Variants in RIPK2 observed in about 807,000 individuals in gnomAD.
RIPK2 encodes the protein receptor-interacting serine/threonine-protein kinase 2.
Under a neutral mutation model 60.9 loss-of-function variants are expected in RIPK2, and 38 were observed. The observed-to-expected ratio is 0.62, with a 90% CI of 0.48 to 0.82. The LOEUF (loss-of-function observed/expected upper bound fraction) is 0.82, where lower values mean the gene tolerates loss of function less well. Among genes scored for constraint, RIPK2 ranks in the 40% least tolerant of loss-of-function variants. RIPK2 has a pLI of 0.00. For synonymous variants in RIPK2, 225 were observed against 223.4 expected, an observed-to-expected ratio of 1.01 and a Z score of -0.06; for missense variants, 518 against 647.0, an observed-to-expected ratio of 0.80 and a Z score of 2.16.
At chr8:89,763,173 G>A (rs1031150665) in intron 2 of RIPK2, among the ~76,000 whole-genome samples, 191 bp downstream of exon 2, 3 of 152,004 alleles carry the variant, frequency 2.0e-5, no homozygotes, top group Non-Finnish European at 4.4e-5. Context: ...TGTGGATTCA[G>A]GCCCTGTACT....
chr8:89,758,025 G>A lies in RIPK2; in HGVS notation c.-36G>A, dbSNP rs1398097490. On this transcript the variant is annotated 5_prime_UTR_variant, in exon 1 of 11. Coordinates refer to ENST00000220751, the MANE Select transcript of RIPK2 (RefSeq NM_003821.6). ...GGAGCCTTGGGAGCCGCCGCAGCAG[G>A]GGGCACACCCGGAACCGGCCTGAGC... The A allele has an allele frequency of 2.0e-6, 3 of 1,523,020 alleles. No individual in the cohort carries two copies. Among genetic ancestry groups the A allele is most frequent in the African/African-American group, 2.8e-5 (2 of 72,314 alleles). The allele number at this position is 1,523,020 out of a possible 1,614,324, so 94.3% of individuals were successfully genotyped here. A position where few individuals can be genotyped will look rare whatever the true frequency, so the allele number is the denominator to read the frequency against.
chr8:89,758,698 A>T (rs1194422227), intron 1 of RIPK2, among the ~76,000 whole-genome samples: 1 of 152,234 alleles, frequency 6.6e-6, no homozygotes, highest in Non-Finnish European at 1.5e-5. Flanking sequence ...GCTATTGAGC[A>T]CTTGAAATGT....
chr8:89,787,494 G>A (rs1205156103), intron 9 of RIPK2, among the ~76,000 whole-genome samples: 2 of 152,094 alleles, frequency 1.3e-5, no homozygotes, highest in Non-Finnish European at 2.9e-5. Context: ...AATTATTTCT[G>A]GCTGAAGGCT....
intron 6 of RIPK2, among the ~76,000 whole-genome samples, chr8:89,775,119 A>G (rs1485406697): frequency 6.6e-6 from 1 of 152,154 alleles, no homozygotes. Context: ...ATGAGGTGAT[A>G]GCTAAAGGAT....
chr8:89,770,510 A>G (rs1056454302), intron 4 of RIPK2, among the ~76,000 whole-genome samples: 1 of 151,876 alleles, frequency 6.6e-6, no homozygotes, highest in Non-Finnish European at 1.5e-5. Context: ...TAACCAGAAT[A>G]AAAGGAAGAT....
At position 89,790,367 on chromosome 8, in the gene RIPK2, T is replaced by G. The variant is rs547545575; in HGVS notation, c.1574T>G (p.Val525Gly). 4 of 1,611,312 alleles carry G rather than the reference T, an allele frequency of 2.5e-6. No homozygotes were observed. In the South Asian group the frequency reaches 3.3e-5, roughly 13 times the overall value. ...MGLQPYPEIL[V>G]VSRSPSLNLL... The stretch of plus-strand genomic sequence containing the variant: ...CTTCAGCCTTACCCGGAAATACTTG[T>G]GGTTTCTAGATCACCATCTTTAAAT... The change falls in exon 11 of 11, where the codon GTG (valine) becomes GGG (glycine). Residue 525 changes from valine to glycine, a missense_variant. Around this residue, in one of 3 missense-constraint regions of RIPK2, gnomAD observed 41 missense variants for 43.7 expected, o/e 0.94. Transcript: ENST00000220751.
chr8:89,773,448 G>T (rs925591133), intron 6 of RIPK2, among the ~76,000 whole-genome samples: 13 of 152,160 alleles, frequency 8.5e-5, no homozygotes, highest in Admixed American at 1.3e-4. Context: ...GGCCTGTGTG[G>T]CTGGAATACA....
At chr8:89,775,243 G>A (rs1474245586) in intron 6 of RIPK2, among the ~76,000 whole-genome samples, 1 of 151,888 alleles carries the variant, frequency 6.6e-6, no homozygotes, top group East Asian at 1.9e-4. Flanking sequence ...TTCCAGACCA[G>A]CCTAGGCAAC....
At chr8:89,773,858 T>G (rs980286483) in intron 6 of RIPK2, among the ~76,000 whole-genome samples, 1 of 152,184 alleles carries the variant, frequency 6.6e-6, no homozygotes, top group Admixed American at 6.6e-5. Flanking sequence ...TAGGATTCAT[T>G]AAAAAATTTA....
At chr8:89,777,975 C>T (rs756446243) in intron 6 of RIPK2, among the ~76,000 whole-genome samples, 3 of 151,948 alleles carry the variant, frequency 2.0e-5, no homozygotes, top group Non-Finnish European at 4.4e-5. Flanking sequence ...CATGAAATTA[C>T]AAAGGGATCT....
intron 10 of RIPK2, 96 bp downstream of exon 10, chr8:89,789,578 T>G: frequency 2.6e-6 from 3 of 1,168,598 alleles, no homozygotes; most frequent in Non-Finnish European, 3.6e-6. Context: ...TGTCTTTATT[T>G]CCTCAATATG....
At chr8:89,783,346 C>A (rs558480687) in intron 7 of RIPK2, among the ~76,000 whole-genome samples, 1 of 152,224 alleles carries the variant, frequency 6.6e-6, no homozygotes. Flanking sequence ...ATCATCTACT[C>A]AGCAGCTACC....
chr8:89,780,060 T>C lies in RIPK2; in HGVS notation c.854-15T>C. The C allele has an allele frequency of 7.6e-7, 1 of 1,317,392 alleles. No individual in the cohort carries two copies. Among genetic ancestry groups the C allele is most frequent in the Non-Finnish European group, 1.1e-6 (1 of 935,770 alleles). The allele number at this position is 1,317,392 out of a possible 1,614,324, so 81.6% of individuals were successfully genotyped here. On this transcript the variant is annotated splice_polypyrimidine_tract_variant and intron_variant, in intron 6 of 10. Coordinates refer to ENST00000220751, the MANE Select transcript of RIPK2 (RefSeq NM_003821.6). ...AGCAATCTGAACTCAACCTGTATTT[T>C]TTTCTCTTATGTAGAATGTTTAATA... is the stretch of plus-strand genomic sequence containing the variant.
intron 1 of RIPK2, 128 bp from the exon 2 acceptor site, chr8:89,762,701 A>G: frequency 2.2e-6 from 1 of 458,432 alleles, no homozygotes; most frequent in Non-Finnish European, 3.8e-6. Flanking sequence ...ACTAAGGTGC[A>G]GAGAAGTTGC....
intron 1 of RIPK2, chr8:89,759,184 C>G (rs555038642): frequency 1.9e-5 from 7 of 373,116 alleles, no homozygotes; most frequent in African/African-American, 8.3e-5. Flanking sequence ...ATGGCTTTCA[C>G]TTATTGGTTT....
chr8:89,769,703 A>G (rs934300855), intron 3 of RIPK2, 69 bp from the exon 4 acceptor site: 3 of 1,122,890 alleles, frequency 2.7e-6, no homozygotes, highest in African/African-American at 3.2e-5. Context: ...GTGAATATAC[A>G]AAAAGATAGT....
chr8:89,788,777 T>A (rs1809626493), intron 9 of RIPK2, among the ~76,000 whole-genome samples: 1 of 146,048 alleles, frequency 6.8e-6, no homozygotes, highest in Non-Finnish European at 1.5e-5. Flanking sequence ...AAACTCCATC[T>A]AAGAAAGAGA....
At chr8:89,765,243 T>G in intron 2 of RIPK2, 98 bp from the exon 3 acceptor site, 1 of 803,298 alleles carries the variant, frequency 1.2e-6, no homozygotes. Flanking sequence ...AACCTTAGTT[T>G]ATACTGTATT....
rs116678066 is a variant in RIPK2, at chr8:89,772,600, T to C, written c.692-67T>C. The C allele has an allele frequency of 7.3e-4, 861 of 1,175,998 alleles. 8 individuals carry two copies. The African/African-American group carries it at 0.012, about 16-fold the overall frequency. 72.8% of individuals were successfully genotyped at this position (1,175,998 alleles called of 1,614,324 possible). On this transcript the variant is annotated intron_variant, in intron 5 of 10. Coordinates refer to ENST00000220751, the MANE Select transcript of RIPK2 (RefSeq NM_003821.6). ...ATTCACTTATTTTCTTTTAGTTAGT[T>C]TTAGATGTAAGTAATATGCTTAATC... is the stretch of plus-strand genomic sequence containing the variant.
Sources: allele counts gnomAD v4.1 joint callset (sites outside exome capture counted in the v4.1 genomes callset), GRCh38; gene constraint gnomAD v4.1.1; regional missense constraint gnomAD v4.1.1; transcripts MANE v1.5; gene names NCBI Gene and HGNC (gene_info 2026-07-23, HGNC 2026-07-21).